NPAS3: variants seen among roughly 807,000 people sequenced by gnomAD.
NPAS3 encodes neuronal PAS domain protein 3.
A neutral mutation model predicts 73.1 loss-of-function variants in NPAS3; 14 were observed. That is an observed-to-expected ratio of 0.19 (90% CI 0.13 to 0.30). NPAS3 has a LOEUF of 0.30. NPAS3 is among the 10% of genes least tolerant of loss of function. NPAS3 has a pLI of 1.00. For synonymous variants in NPAS3, 620 were observed against 541.5 expected, an observed-to-expected ratio of 1.14 and a Z score of -2.01; for missense variants, 1,096 against 1,250.0, an observed-to-expected ratio of 0.88 and a Z score of 1.86.
At chr14:33,341,664 T>C (rs1453195913) in intron 3 of NPAS3, among the ~76,000 whole-genome samples, 1 of 152,144 alleles carries the variant, frequency 6.6e-6, no homozygotes, top group Non-Finnish European at 1.5e-5. Flanking sequence ...CAGTGATACC[T>C]GTACTTTTAG....
intron 5 of NPAS3, among the ~76,000 whole-genome samples, chr14:33,631,083 G>A (rs2058364884): frequency 6.6e-6 from 1 of 152,126 alleles, no homozygotes; most frequent in Admixed American, 6.5e-5. Flanking sequence ...CTTCCACTGT[G>A]CAACAATAAA....
intron 4 of NPAS3, among the ~76,000 whole-genome samples, chr14:33,415,110 G>A (rs976111558): frequency 6.6e-6 from 1 of 152,054 alleles, no homozygotes; most frequent in Non-Finnish European, 1.5e-5. Context: ...AACTGAAGGT[G>A]AGCAACCTCC....
intron 6 of NPAS3, among the ~76,000 whole-genome samples, chr14:33,710,370 A>C (rs750374279): frequency 6.6e-6 from 1 of 152,206 alleles, no homozygotes; most frequent in Non-Finnish European, 1.5e-5. Context: ...GCTAGGCTTG[A>C]GATCTTATCT....
intron 4 of NPAS3, among the ~76,000 whole-genome samples, chr14:33,370,387 A>G (rs1209987374): frequency 6.6e-6 from 1 of 152,190 alleles, no homozygotes; most frequent in Non-Finnish European, 1.5e-5. Flanking sequence ...CAGACACAAA[A>G]GCATGTAAAC....
intron 1 of NPAS3, among the ~76,000 whole-genome samples, chr14:32,989,616 G>A (rs899260589): frequency 5.3e-5 from 8 of 151,980 alleles, no homozygotes; most frequent in Non-Finnish European, 8.8e-5. Flanking sequence ...CTGCACTCCA[G>A]CCTGGGCGAC....
At chr14:33,768,412 C>A (rs1380519587) in intron 7 of NPAS3, among the ~76,000 whole-genome samples, 1 of 152,178 alleles carries the variant, frequency 6.6e-6, no homozygotes, top group Non-Finnish European at 1.5e-5. Context: ...ACTGAGGCAG[C>A]TTTTACCCAG....
chr14:33,266,140 C>G (rs2040806997), intron 3 of NPAS3, among the ~76,000 whole-genome samples: 2 of 152,066 alleles, frequency 1.3e-5, no homozygotes, highest in South Asian at 4.1e-4. Flanking sequence ...ATTTCCCATT[C>G]TTGAAGCTCA....
chr14:33,473,624 T>C (rs2050887850), intron 4 of NPAS3, among the ~76,000 whole-genome samples: 1 of 152,088 alleles, frequency 6.6e-6, no homozygotes, highest in Non-Finnish European at 1.5e-5. Context: ...AACACATACA[T>C]CGACAGTTTT....
intron 6 of NPAS3, among the ~76,000 whole-genome samples, chr14:33,733,769 AAAAC>A (rs1485133950): frequency 1.3e-5 from 2 of 152,126 alleles, no homozygotes; most frequent in East Asian, 1.9e-4. Flanking sequence ...CATGCTCTCT[AAAAC>A]AAAAAAAAAG....
intron 4 of NPAS3, among the ~76,000 whole-genome samples, chr14:33,420,230 T>C (rs935736602): frequency 1.6e-4 from 25 of 151,962 alleles, no homozygotes; most frequent in African/African-American, 5.8e-4. Context: ...TTCCTCATCC[T>C]GGTGTTTGCA....
intron 2 of NPAS3, among the ~76,000 whole-genome samples, chr14:33,077,848 C>T (rs1454971536): frequency 7.4e-6 from 1 of 135,746 alleles, no homozygotes; most frequent in Non-Finnish European, 1.6e-5. Flanking sequence ...CCAGAATTCT[C>T]ATTGAAAATA....
chr14:33,158,859 TAG>T (rs367607968), intron 2 of NPAS3, among the ~76,000 whole-genome samples: 50 of 152,244 alleles, frequency 3.3e-4, no homozygotes, highest in African/African-American at 1.2e-3. Context: ...AAGGTTTTGA[TAG>T]ACTCTTTTAC....
intron 7 of NPAS3, among the ~76,000 whole-genome samples, chr14:33,771,673 A>C (rs968516807): frequency 7.2e-5 from 11 of 152,046 alleles, no homozygotes; most frequent in African/African-American, 2.4e-4. Flanking sequence ...TTAGCTGGGC[A>C]TGGTGGCGGG....
chr14:33,458,047 C>T (rs1273474738), intron 4 of NPAS3, among the ~76,000 whole-genome samples: 1 of 152,194 alleles, frequency 6.6e-6, no homozygotes, highest in Non-Finnish European at 1.5e-5. Flanking sequence ...AAGGACATAG[C>T]TGTTGTGGAA....
At chr14:33,204,168 G>T (rs1222640457) in intron 2 of NPAS3, among the ~76,000 whole-genome samples, 1 of 152,166 alleles carries the variant, frequency 6.6e-6, no homozygotes, top group African/African-American at 2.4e-5. Flanking sequence ...TAGTTCCTGA[G>T]TAATGGAAGC....
intron 4 of NPAS3, among the ~76,000 whole-genome samples, chr14:33,513,428 A>G (rs1037392974): frequency 2.6e-5 from 4 of 152,070 alleles, no homozygotes; most frequent in Non-Finnish European, 5.9e-5. Flanking sequence ...CACTTTGCTA[A>G]GCACCTTGTA....
chr14:33,300,703 T>C (rs1327103462), intron 3 of NPAS3, among the ~76,000 whole-genome samples: 1 of 151,758 alleles, frequency 6.6e-6, no homozygotes, highest in African/African-American at 2.4e-5. Context: ...GCATTGCGGG[T>C]GAGGGGTGGA....
In NPAS3 at chr14:33,685,819, T is replaced by C. The variant is rs1040493513; in HGVS notation, c.733+9434T>C. 5.3e-5 allele frequency among the ~76,000 whole-genome samples: 8 copies of C among 152,188 alleles called. No homozygotes were observed. In the East Asian group the frequency reaches 9.6e-4, roughly 18 times the overall value. On this transcript the variant is annotated intron_variant, in intron 6 of 11. Transcript: ENST00000356141. ...TTTATGAGTAATTTATTTTTCAAAATGACCCTACACCAAGGTTAGAGATGG... is the reference window on the plus strand; with the variant it reads ...TTTATGAGTAATTTATTTTTCAAAACGACCCTACACCAAGGTTAGAGATGG...
At chr14:33,529,174 G>A (rs2053931994) in intron 4 of NPAS3, among the ~76,000 whole-genome samples, 1 of 152,198 alleles carries the variant, frequency 6.6e-6, no homozygotes, top group African/African-American at 2.4e-5. Context: ...CCACCACACT[G>A]TAGAGTCATG....
Sources: allele counts gnomAD v4.1 joint callset (sites outside exome capture counted in the v4.1 genomes callset), GRCh38; gene constraint gnomAD v4.1.1; transcripts MANE v1.5; gene names NCBI Gene and HGNC (gene_info 2026-07-23, HGNC 2026-07-21).